DNAH6: variants seen among roughly 807,000 people sequenced by gnomAD.
DNAH6 encodes dynein axonemal heavy chain 6.
Under a neutral mutation model 491.4 loss-of-function variants are expected in DNAH6, and 340 were observed. The ratio of observed to expected loss-of-function variants is 0.69; its 90% CI spans 0.63 to 0.76. The LOEUF is 0.76. Ranked by LOEUF, DNAH6 falls within the 30% of genes least tolerant of loss-of-function variation. DNAH6 has a pLI of 0.00. For missense variants in DNAH6, 4,443 were observed against 4,972.2 expected (o/e 0.89, Z 3.20); for synonymous variants, 1,603 against 1,686.1 (o/e 0.95, Z 1.21).
At chr2:84,816,585 T>G (rs1045360758) in intron 76 of DNAH6, among the ~76,000 whole-genome samples, 2 of 152,106 alleles carry the variant, frequency 1.3e-5, no homozygotes, top group Admixed American at 1.3e-4. Flanking sequence ...TAGCCAGGCA[T>G]GGTGGCGGGT....
chr2:84,796,908 CA>C (rs1343043260), intron 69 of DNAH6, among the ~76,000 whole-genome samples: 1 of 152,018 alleles, frequency 6.6e-6, no homozygotes, highest in Admixed American at 6.6e-5. Flanking sequence ...TCTATTACAG[CA>C]AGTTGAGTAA....
the DNAH6 span, among the ~76,000 whole-genome samples, chr2:84,492,116 G>A: frequency 1.3e-5 from 2 of 152,256 alleles, no homozygotes; most frequent in South Asian, 4.1e-4. Context: ...GAATGCCTTA[G>A]GTCTAAAGAA....
At chr2:84,689,763 C>T (rs1343163814) in intron 45 of DNAH6, among the ~76,000 whole-genome samples, 2 of 152,268 alleles carry the variant, frequency 1.3e-5, no homozygotes, top group South Asian at 2.1e-4. Context: ...TTTTGGACAA[C>T]GCTGTGTGCC....
chr2:84,815,023 GGCGCA>G (rs1573893176), intron 75 of DNAH6, among the ~76,000 whole-genome samples: 2 of 152,352 alleles, frequency 1.3e-5, no homozygotes. Flanking sequence ...TTGCCGCCTT[GGCGCA>G]GCATAGGAAA....
chr2:84,723,092 G>A (rs570227860), intron 60 of DNAH6, among the ~76,000 whole-genome samples: 17 of 152,144 alleles, frequency 1.1e-4, no homozygotes, highest in Non-Finnish European at 2.5e-4. Flanking sequence ...GCCAGGCGTG[G>A]TGGCAGGTGC....
At chr2:84,757,486 C>T (rs936407416) in intron 63 of DNAH6, among the ~76,000 whole-genome samples, 3 of 152,158 alleles carry the variant, frequency 2.0e-5, no homozygotes, top group Non-Finnish European at 4.4e-5. Context: ...CTTCCATACT[C>T]CTGCCATCTC....
chr2:84,542,584 C>G (rs530488057), intron 4 of DNAH6, among the ~76,000 whole-genome samples: 3 of 152,250 alleles, frequency 2.0e-5, no homozygotes, highest in East Asian at 1.9e-4. Flanking sequence ...ATCAGCCCCC[C>G]ACATCTCCTT....
chr2:84,502,623 C>G, the DNAH6 span, among the ~76,000 whole-genome samples: 3 of 152,266 alleles, frequency 2.0e-5, no homozygotes, highest in Non-Finnish European at 2.9e-5. Context: ...GTGTTGGAGT[C>G]TCCAGCTATT....
chr2:84,667,932 C>T (rs1692326089), intron 37 of DNAH6, among the ~76,000 whole-genome samples: 1 of 152,178 alleles, frequency 6.6e-6, no homozygotes, highest in African/African-American at 2.4e-5. Flanking sequence ...AGTTCATGTC[C>T]TTTGTAGGGA....
rs1454294869 is a variant in DNAH6, at chr2:84,808,547, G to A, written c.11739+5G>A. On this transcript the variant is annotated splice_donor_5th_base_variant and intron_variant, in intron 72 of 76. Coordinates refer to ENST00000389394, the MANE Select transcript of DNAH6 (RefSeq NM_001370.2). ...AACCTGCTGAAGTTAATTCATGTAT[G>A]AGAGCTTACTTTCATCATTGCTATT... is the stretch of plus-strand genomic sequence containing the variant. The A allele has an allele frequency of 6.4e-7, 1 of 1,551,512 alleles. No homozygotes were observed. The highest frequency in any genetic ancestry group is 2.4e-5 in the East Asian group (1 of 40,908).
intron 69 of DNAH6, 34 bp from the exon 70 acceptor site, chr2:84,797,503 G>T: frequency 6.5e-7 from 1 of 1,542,620 alleles, no homozygotes. Context: ...CAGTCTATTT[G>T]AGACATATTT....
intron 18 of DNAH6, 147 bp from the exon 19 acceptor site, chr2:84,604,192 A>T (rs1685534098): frequency 3.1e-6 from 2 of 641,700 alleles, no homozygotes; most frequent in African/African-American, 3.7e-5. Context: ...AGAGTCATTA[A>T]TTTGCAGTCA....
chr2:84,550,957 C>T (rs762724340), intron 9 of DNAH6, among the ~76,000 whole-genome samples: 22 of 152,160 alleles, frequency 1.4e-4, no homozygotes, highest in Admixed American at 5.9e-4. Flanking sequence ...AGTACAAATT[C>T]GTGCATTCCA....
intron 30 of DNAH6, 117 bp from the exon 31 acceptor site, chr2:84,637,093 A>C: frequency 2.5e-6 from 2 of 786,844 alleles, no homozygotes; most frequent in Non-Finnish European, 3.9e-6. Flanking sequence ...CAACAATGGT[A>C]TTCAGTAGTC....
chr2:84,788,443 T>C (rs1677427761), intron 68 of DNAH6, among the ~76,000 whole-genome samples: 1 of 152,158 alleles, frequency 6.6e-6, no homozygotes, highest in Non-Finnish European at 1.5e-5. Context: ...CCAGATCAAC[T>C]AGCATGTTGC....
chr2:84,713,869 G>C (rs1017889751), intron 57 of DNAH6, among the ~76,000 whole-genome samples: 2 of 152,170 alleles, frequency 1.3e-5, no homozygotes, highest in Non-Finnish European at 2.9e-5. Flanking sequence ...GGGGTATCTT[G>C]TCCCCTTCTC....
intron 37 of DNAH6, among the ~76,000 whole-genome samples, chr2:84,666,189 C>A (rs1692106667): frequency 6.6e-6 from 1 of 152,144 alleles, no homozygotes; most frequent in East Asian, 1.9e-4. Context: ...TGAAAACTGG[C>A]ACAAGACAGG....
At chr2:84,803,649 A>G (rs1374825640) in intron 70 of DNAH6, among the ~76,000 whole-genome samples, 1 of 152,062 alleles carries the variant, frequency 6.6e-6, no homozygotes, top group Non-Finnish European at 1.5e-5. Context: ...ATATTTTTCA[A>G]TATTTAAATA....
At chr2:84,639,201 CT>C (rs1303025440) in intron 31 of DNAH6, among the ~76,000 whole-genome samples, 1 of 152,114 alleles carries the variant, frequency 6.6e-6, no homozygotes, top group Non-Finnish European at 1.5e-5. Flanking sequence ...TCTTGACCCT[CT>C]CTACAAACAG....
Sources: gnomAD v4.1 joint callset for allele counts (sites outside exome capture counted in the v4.1 genomes callset) on GRCh38, gnomAD v4.1.1 for gene constraint, MANE v1.5 for transcripts, NCBI Gene and HGNC (gene_info 2026-07-23, HGNC 2026-07-21) for gene names.